Variants in LPAR1 observed in about 807,000 individuals in gnomAD.
LPAR1 encodes lysophosphatidic acid receptor 1, also known as LPA receptor 1.
In LPAR1, 5 loss-of-function variants were observed where a neutral mutation model predicts 23.8. The observed-to-expected ratio is 0.21, with a 90% CI of 0.11 to 0.44. The LOEUF is 0.44. Among genes scored for constraint, LPAR1 ranks in the 20% least tolerant of loss-of-function variants. The probability of loss-of-function intolerance (pLI) is 0.99; values close to 1 mark genes in which losing one functional copy is unlikely to be tolerated. For missense variants in LPAR1, 311 were observed against 482.8 expected, an observed-to-expected ratio of 0.64 and a Z score of 3.33; for synonymous variants, 160 against 164.7, an observed-to-expected ratio of 0.97 and a Z score of 0.22.
intron 5 of LPAR1, among the ~76,000 whole-genome samples, chr9:110,884,974 T>A (rs936948312): frequency 2.0e-5 from 3 of 152,210 alleles, no homozygotes; most frequent in African/African-American, 7.2e-5. Context: ...CAAGGTCAAA[T>A]ATTTGATTTT....
At chr9:110,897,249 G>T (rs1458055335) in intron 5 of LPAR1, among the ~76,000 whole-genome samples, 2 of 152,092 alleles carry the variant, frequency 1.3e-5, no homozygotes, top group African/African-American at 2.4e-5. Context: ...TCTTGCCCGT[G>T]CTGTTCTCAT....
intron 5 of LPAR1, among the ~76,000 whole-genome samples, chr9:110,881,114 T>G (rs2080672896): frequency 6.6e-6 from 1 of 152,218 alleles, no homozygotes; most frequent in Non-Finnish European, 1.5e-5. Flanking sequence ...CTATTGAAAC[T>G]ATATAATTTA....
At chr9:111,022,738 T>C (rs2097581562) in intron 2 of LPAR1, among the ~76,000 whole-genome samples, 1 of 152,144 alleles carries the variant, frequency 6.6e-6, no homozygotes, top group Admixed American at 6.5e-5. Context: ...CAGCTCCTCA[T>C]ACAGAGCAAG....
At chr9:110,876,683 C>G (rs2079179130) in intron 5 of LPAR1, among the ~76,000 whole-genome samples, 1 of 152,140 alleles carries the variant, frequency 6.6e-6, no homozygotes. Flanking sequence ...TATTTTAAAC[C>G]AAATTTACTA....
At chr9:110,884,124 CCTTA>C (rs1422493375) in intron 5 of LPAR1, among the ~76,000 whole-genome samples, 3 of 152,184 alleles carry the variant, frequency 2.0e-5, no homozygotes, top group African/African-American at 7.2e-5. Flanking sequence ...TAGTACGAGT[CCTTA>C]CTTACTCGCC....
rs961699287 is a variant in LPAR1, at chr9:110,999,325, G to A, written c.-181-25767C>T. On this transcript the variant is annotated intron_variant, in intron 2 of 5. Coordinates refer to ENST00000683809, the MANE Select transcript of LPAR1 (RefSeq NM_001351411.2). ...GAATTAAAAGCAACTGGTGTCCAAC[G>A]AATGCTTTAATTGCTAAAAAAGAAC... 179 of 450,470 alleles carry A rather than the reference G, an allele frequency of 4.0e-4. 2 individuals are homozygous for A. The highest frequency in any genetic ancestry group is 3.7e-3 in the Admixed American group (156 of 41,792). The allele number at this position is 450,470 out of a possible 1,614,324, so 27.9% of individuals were successfully genotyped here.
intron 2 of LPAR1, among the ~76,000 whole-genome samples, chr9:111,015,074 C>A (rs939665224): frequency 6.6e-6 from 1 of 152,070 alleles, no homozygotes; most frequent in Non-Finnish European, 1.5e-5. Flanking sequence ...CATGAAGACA[C>A]GGGGAGGAGA....
At chr9:110,922,310 G>A (rs1047555559) in intron 5 of LPAR1, among the ~76,000 whole-genome samples, 4 of 152,074 alleles carry the variant, frequency 2.6e-5, no homozygotes, top group African/African-American at 4.8e-5. Context: ...GTAGTTCAGC[G>A]CTTCAACATT....
chr9:110,954,007 T>A (rs1002472608), intron 4 of LPAR1, among the ~76,000 whole-genome samples: 5 of 151,990 alleles, frequency 3.3e-5, no homozygotes. Flanking sequence ...AAAATAATAA[T>A]ATTTTAAAAA....
At chr9:110,993,461 G>A (rs942021880) in intron 2 of LPAR1, among the ~76,000 whole-genome samples, 1 of 152,024 alleles carries the variant, frequency 6.6e-6, no homozygotes, top group Non-Finnish European at 1.5e-5. Flanking sequence ...GTGGCTCCAA[G>A]GGCAGCCCAA....
At chr9:110,880,734 G>T (rs918143373) in intron 5 of LPAR1, among the ~76,000 whole-genome samples, 1 of 152,106 alleles carries the variant, frequency 6.6e-6, no homozygotes, top group Non-Finnish European at 1.5e-5. Flanking sequence ...AGAGACCTGC[G>T]GTGGGAATCA....
chr9:110,914,250 C>T (rs930336752), intron 5 of LPAR1, among the ~76,000 whole-genome samples: 1 of 152,176 alleles, frequency 6.6e-6, no homozygotes, highest in Admixed American at 6.5e-5. Context: ...CTAATAAAGA[C>T]ATACCTGAGA....
intron 2 of LPAR1, among the ~76,000 whole-genome samples, chr9:110,977,383 C>T (rs1305876804): frequency 6.6e-6 from 1 of 152,186 alleles, no homozygotes; most frequent in African/African-American, 2.4e-5. Flanking sequence ...TCCCAGCTGG[C>T]TCCTGGCAAG....
At chr9:110,995,707 G>A (rs2096985938) in intron 2 of LPAR1, among the ~76,000 whole-genome samples, 1 of 152,156 alleles carries the variant, frequency 6.6e-6, no homozygotes. Context: ...ACAATTCTAT[G>A]AATAGCATCT....
chr9:110,976,346 A>AG (rs1466403758), intron 2 of LPAR1, among the ~76,000 whole-genome samples: 2 of 151,728 alleles, frequency 1.3e-5, no homozygotes, highest in Non-Finnish European at 2.9e-5. Context: ...CAAAAAAAAA[A>AG]AAAAAAAAAT....
At chr9:110,920,160 A>G (rs930772826) in intron 5 of LPAR1, among the ~76,000 whole-genome samples, 9 of 152,192 alleles carry the variant, frequency 5.9e-5, no homozygotes, top group Non-Finnish European at 1.2e-4. Context: ...ATGTATTTCC[A>G]TGCCATTGTG....
chr9:110,959,332 G>A (rs570160911), intron 4 of LPAR1, among the ~76,000 whole-genome samples: 141 of 151,826 alleles, frequency 9.3e-4, no homozygotes, highest in South Asian at 8.1e-3. Context: ...AGGAAGAAAG[G>A]AAGAAGGGAG....
intron 1 of LPAR1, among the ~76,000 whole-genome samples, chr9:111,037,504 C>G (rs2097915830): frequency 2.6e-5 from 4 of 152,240 alleles, no homozygotes; most frequent in Admixed American, 6.5e-5. Context: ...CTACGCAAGT[C>G]AAAGGAGCCG....
intron 2 of LPAR1, among the ~76,000 whole-genome samples, chr9:111,026,742 GTTGAA>G (rs1162134003): frequency 1.3e-5 from 2 of 152,312 alleles, no homozygotes; most frequent in East Asian, 3.9e-4. Context: ...ATGAAAGGGT[GTTGAA>G]TTTTATTGAA....
Sources: allele counts gnomAD v4.1 joint callset (sites outside exome capture counted in the v4.1 genomes callset), GRCh38; gene constraint gnomAD v4.1.1; transcripts MANE v1.5; gene names NCBI Gene and HGNC (gene_info 2026-07-23, HGNC 2026-07-21).